Variants in YWHAZ observed in about 807,000 individuals in gnomAD.
YWHAZ encodes 14-3-3 protein zeta/delta.
For missense variants in YWHAZ, 79 were observed against 284.8 expected (o/e 0.28, Z 5.20); for synonymous variants, 87 against 103.6 (o/e 0.84, Z 0.97).
chr8:100,925,642 C>A (rs978816905), intron 2 of YWHAZ, among the ~76,000 whole-genome samples: 2 of 152,162 alleles, frequency 1.3e-5, no homozygotes, highest in African/African-American at 2.4e-5. Context: ...AAAGAGCAGA[C>A]CTTTAATCTC....
chr8:100,930,882 T>C (rs1405540237), intron 2 of YWHAZ, among the ~76,000 whole-genome samples: 1 of 152,184 alleles, frequency 6.6e-6, no homozygotes, highest in Non-Finnish European at 1.5e-5. Context: ...ACCCTAATAA[T>C]ATTAAGTGGG....
At chr8:100,925,731 T>C (rs182853120) in intron 2 of YWHAZ, among the ~76,000 whole-genome samples, 1 of 152,268 alleles carries the variant, frequency 6.6e-6, no homozygotes, top group Admixed American at 6.5e-5. Flanking sequence ...CATCATCCTA[T>C]AAAATTCTGT....
rs952944906 is a variant in YWHAZ, at chr8:100,951,266, C to G, written c.-12+663G>C. On this transcript the variant is annotated intron_variant, in intron 1 of 5. Transcript: ENST00000395958. ...GGCGCCGCCGCGCCAGGCCTGGGCT[C>G]CGGCCCGCTCTCGGCCAGGCCTTTC... 14 of 984,706 alleles carry G rather than the reference C, an allele frequency of 1.4e-5. No individual in the cohort carries two copies. In the African/African-American group the frequency reaches 2.3e-4, roughly 16 times the overall value. The allele number at this position is 984,706 out of a possible 1,614,324, so 61.0% of individuals were successfully genotyped here.
At chr8:100,930,892 G>C (rs1451751226) in intron 2 of YWHAZ, among the ~76,000 whole-genome samples, 2 of 152,140 alleles carry the variant, frequency 1.3e-5, no homozygotes, top group African/African-American at 2.4e-5. Flanking sequence ...TATTAAGTGG[G>C]ATAAGAAATC....
intron 1 of YWHAZ, chr8:100,951,119 T>C (rs1380407059): frequency 1.0e-6 from 1 of 954,484 alleles, no homozygotes; most frequent in Non-Finnish European, 1.2e-6. Flanking sequence ...TTCAAGTCCT[T>C]CCTCCCACCG....
chr8:100,938,147 C>T (rs1814301714), intron 2 of YWHAZ, among the ~76,000 whole-genome samples: 1 of 152,068 alleles, frequency 6.6e-6, no homozygotes, highest in Admixed American at 6.6e-5. Context: ...CAAAAAAACC[C>T]CACTGTTTTC....
intron 2 of YWHAZ, among the ~76,000 whole-genome samples, chr8:100,925,683 C>T (rs1005584059): frequency 2.6e-5 from 4 of 152,124 alleles, no homozygotes; most frequent in Admixed American, 6.5e-5. Context: ...GTAAGATACA[C>T]GATTACAGAT....
intron 2 of YWHAZ, among the ~76,000 whole-genome samples, chr8:100,936,161 A>G (rs190708427): frequency 6.6e-6 from 1 of 152,318 alleles, no homozygotes; most frequent in Admixed American, 6.5e-5. Context: ...TAATGAAAAT[A>G]AATTCGAAAA....
chr8:100,921,876 CA>C (rs1398931744), intron 5 of YWHAZ, among the ~76,000 whole-genome samples: 1 of 152,156 alleles, frequency 6.6e-6, no homozygotes, highest in African/African-American at 2.4e-5. Flanking sequence ...GGATTCAAGA[CA>C]ATCTTAAATT....
chr8:100,928,315 C>T (rs767273143), intron 2 of YWHAZ, among the ~76,000 whole-genome samples: 1 of 151,846 alleles, frequency 6.6e-6, no homozygotes, highest in Admixed American at 6.6e-5. Flanking sequence ...AAATGGCCTA[C>T]TTCTAATAAA....
chr8:100,950,661 G>GGC, intron 1 of YWHAZ: 2 of 915,000 alleles, frequency 2.2e-6, no homozygotes, highest in South Asian at 5.1e-5. Context: ...AAGCCGTGGG[G>GGC]GGGGGGGAGA....
Position 100,948,240 on chromosome 8 carries a change from T to G in YWHAZ, c.294+356A>C, listed in dbSNP as rs1218061510. 3.6e-6 allele frequency: 4 copies of G among 1,097,746 alleles called. No individual in the cohort carries two copies. The Admixed American group carries it at 1.2e-4, about 33-fold the overall frequency. 68.0% of individuals were successfully genotyped at this position (1,097,746 alleles called of 1,614,324 possible). A position where few individuals can be genotyped will look rare whatever the true frequency, so the allele number is the denominator to read the frequency against. On this transcript the variant is annotated intron_variant, in intron 2 of 5. Transcript: ENST00000395958. The surrounding 1 kb of genome is among the most constrained non-coding windows in gnomAD (Gnocchi z 4.2). ...TCTTACCTAAAGTATGTAAAATTCC[T>G]TTATCCACAGATGTACATTTAAGAT... is the stretch of plus-strand genomic sequence containing the variant.
chr8:100,919,503 G>C lies in YWHAZ; in HGVS notation c.*1190C>G, dbSNP rs1812879503. ...TTTCAGGGTGGGGAGGAAGAGAGGGGATCATGGGACATGGAAACAGTAGTT... is the reference window on the plus strand; with the variant it reads ...TTTCAGGGTGGGGAGGAAGAGAGGGCATCATGGGACATGGAAACAGTAGTT... On this transcript the variant is annotated 3_prime_UTR_variant, in exon 6 of 6. Transcript: ENST00000395958. 1.3e-5 allele frequency: 2 copies of C among 152,274 alleles called. No individual in the cohort carries two copies. Among genetic ancestry groups the C allele is most frequent in the South Asian group, 4.1e-4 (2 of 4,832 alleles). The allele number at this position is 152,274 out of a possible 1,614,324, so 9.4% of individuals were successfully genotyped here. A position where few individuals can be genotyped will look rare whatever the true frequency, so the allele number is the denominator to read the frequency against.
In YWHAZ at chr8:100,925,620, CT is replaced by C. The variant is rs1465019557; in HGVS notation, c.295-582del. On this transcript the variant is annotated intron_variant, in intron 2 of 5. Coordinates refer to ENST00000395958, the MANE Select transcript of YWHAZ (RefSeq NM_145690.3). ...TTTTCCTAAAGACAGTGGTAGGAGACTTACAGATTTTAAAGAGCAGACCTTT... is the reference window on the plus strand; with the variant it reads ...TTTTCCTAAAGACAGTGGTAGGAGACTACAGATTTTAAAGAGCAGACCTTT... 2.6e-5 allele frequency among the ~76,000 whole-genome samples: 4 copies of C among 152,182 alleles called. No homozygotes were observed. In the East Asian group the frequency reaches 5.8e-4, roughly 22 times the overall value.
At chr8:100,951,904 G>T in intron 1 of YWHAZ, 25 bp downstream of exon 1, 3 of 993,906 alleles carry the variant, frequency 3.0e-6, no homozygotes, top group Non-Finnish European at 3.6e-6. Flanking sequence ...AGGAAGCGAG[G>T]CGCGGCGGCG....
chr8:100,941,910 A>G (rs1809894947), intron 2 of YWHAZ, among the ~76,000 whole-genome samples: 1 of 152,248 alleles, frequency 6.6e-6, no homozygotes, highest in African/African-American at 2.4e-5. Flanking sequence ...ATTTAATGCA[A>G]TAATCCTTCT....
In YWHAZ at chr8:100,918,225, C is replaced by T. The variant is rs1208182380; in HGVS notation, c.*2468G>A. The T allele has an allele frequency of 6.7e-6, 1 of 150,106 alleles. No individual in the cohort carries two copies. Among genetic ancestry groups the T allele is most frequent in the Non-Finnish European group, 1.5e-5 (1 of 67,548 alleles). 9.3% of individuals were successfully genotyped at this position (150,106 alleles called of 1,614,324 possible). On this transcript the variant is annotated 3_prime_UTR_variant, in exon 6 of 6. Transcript: ENST00000395958. ...AGGTGTGGTGGCGGGCACCTGTAAT[C>T]CCAGCTACTTGGGAGGCTGAGGCAG...
At position 100,920,530 on chromosome 8, in the gene YWHAZ, T is replaced by A; in HGVS notation, c.*163A>T. 1 of 688,942 alleles carries A rather than the reference T, an allele frequency of 1.5e-6. No individual in the cohort carries two copies. 42.7% of individuals were successfully genotyped at this position (688,942 alleles called of 1,614,324 possible). On this transcript the variant is annotated 3_prime_UTR_variant, in exon 6 of 6. Coordinates refer to ENST00000395958, the MANE Select transcript of YWHAZ (RefSeq NM_145690.3). The stretch of plus-strand genomic sequence containing the variant: ...TAAATGTTAACTGGCTCTACTCCCC[T>A]AATATTAAACATAAAAACCACATGG...
At chr8:100,933,310 G>C (rs1206769933) in intron 2 of YWHAZ, among the ~76,000 whole-genome samples, 1 of 151,300 alleles carries the variant, frequency 6.6e-6, no homozygotes, top group Admixed American at 6.6e-5. Context: ...AGTGAGCCGA[G>C]ATTGTGCCAC....
Sources: allele counts gnomAD v4.1 joint callset (sites outside exome capture counted in the v4.1 genomes callset), GRCh38; gene constraint gnomAD v4.1.1; non-coding constraint Gnocchi (gnomAD v3.1); transcripts MANE v1.5; gene names NCBI Gene and HGNC (gene_info 2026-07-23, HGNC 2026-07-21).